PLXNB2: variants seen among roughly 807,000 people sequenced by gnomAD.
The protein encoded by PLXNB2 is plexin-B2.
A neutral mutation model predicts 202.6 loss-of-function variants in PLXNB2; 85 were observed. The observed-to-expected ratio is 0.42, with a 90% CI of 0.35 to 0.50. The LOEUF (loss-of-function observed/expected upper bound fraction) is 0.50, where lower values mean the gene tolerates loss of function less well. Ranked by LOEUF, PLXNB2 falls within the 20% of genes least tolerant of loss-of-function variation. PLXNB2 has a pLI of 0.02. For missense variants in PLXNB2, 2,063 were observed against 2,586.2 expected (o/e 0.80, Z 4.39); for synonymous variants, 1,239 against 1,137.6 (o/e 1.09, Z -1.79).
Position 50,289,735 on chromosome 22 carries a change from C to A in PLXNB2, c.850G>T (p.Val284Leu). ...ACCCTGCCAGAGCCAGGCGCAGCCA[C>A]GGAGGCGGCCAGGCAGGTGCCAAAG... ...AAFGTCLAASVAAPGSGRVLY... is the reference protein window; with the variant it reads ...AAFGTCLAASLAAPGSGRVLY... Residue 284 changes from valine (V) to leucine (L), a missense_variant, in exon 3 of 37, where the codon GTG becomes TTG. This residue lies in a region of PLXNB2 where 1,303 missense variants were observed against 1,476.8 expected (regional missense o/e 0.88). Transcript: ENST00000359337. The surrounding 1 kb of genome is among the most constrained non-coding windows in gnomAD (Gnocchi z 8.0). 1 of 1,612,322 alleles carries A rather than the reference C, an allele frequency of 6.2e-7. No individual in the cohort carries two copies. Among genetic ancestry groups the A allele is most frequent in the Non-Finnish European group, 8.5e-7 (1 of 1,179,952 alleles).
intron 35 of PLXNB2, 32 bp from the exon 36 acceptor site, chr22:50,275,995 A>AG: frequency 6.2e-7 from 1 of 1,601,566 alleles, no homozygotes; most frequent in Non-Finnish European, 8.5e-7. Flanking sequence ...AGGGTGGAAA[A>AG]GGGGCTGTGG....
rs765133194 is a variant in PLXNB2, at chr22:50,277,943, G to A, written c.4958C>T (p.Ala1653Val). Reference sequence around the variant, plus strand: ...CAGGAAGTCGAAGAAGTACTTGACTGCAGGTGGCACCGCGTGCCCAGGCGC... The same window carrying A: ...CAGGAAGTCGAAGAAGTACTTGACTACAGGTGGCACCGCGTGCCCAGGCGC... ...VLAPGHAVPPAVKYFFDFLDE... is the reference protein window; with the variant it reads ...VLAPGHAVPPVVKYFFDFLDE... The change falls in exon 32 of 37, where the codon GCA becomes GTA. Residue 1653 changes from alanine (A) to valine (V), a missense_variant. Ala to Val is a moderately conservative substitution (Grantham distance 64, BLOSUM62 0). Transcript: ENST00000359337. 1 of 1,612,854 alleles carries A rather than the reference G, an allele frequency of 6.2e-7. No homozygotes were observed. Among genetic ancestry groups the A allele is most frequent in the South Asian group, 1.1e-5 (1 of 91,070 alleles).
chr22:50,283,499 T>G, intron 15 of PLXNB2, 54 bp from the exon 16 acceptor site: 1 of 635,882 alleles, frequency 1.6e-6, no homozygotes, highest in Non-Finnish European at 2.2e-6. Flanking sequence ...CCCCACACCC[T>G]GACACCCTCA....
chr22:50,288,605 C>A lies in PLXNB2; in HGVS notation c.1380+138G>T. 1 of 1,233,736 alleles carries A rather than the reference C, an allele frequency of 8.1e-7. No homozygotes were observed. 76.4% of individuals were successfully genotyped at this position (1,233,736 alleles called of 1,614,324 possible). On this transcript the variant is annotated intron_variant, in intron 5 of 36. Transcript: ENST00000359337. This position sits in a 1 kb window ranked among gnomAD's most constrained non-coding sequence, Gnocchi z 5.0. ...CTGCCCGGGACCCACCCAGCCACCC[C>A]TCATCCAGACCAAGGAGAAGGGCCC...
At position 50,288,751 on chromosome 22, in the gene PLXNB2, G is replaced by A. The variant is rs1404533598; in HGVS notation, c.1372C>T (p.Gln458Ter). Reference sequence around the variant, plus strand: ...GGCTGCGTCTGGCTCACCTTGTCCTGGGTCATGGCGTACAGGCTGCCCAGG... The same window carrying A: ...GGCTGCGTCTGGCTCACCTTGTCCTAGGTCATGGCGTACAGGCTGCCCAGG... ...GDLGSLYAMTQDKVFRLPVQE... is the reference protein window; with the variant it reads ...GDLGSLYAMT Residue 458 changes from glutamine to a stop codon, truncating the protein, a stop_gained, in exon 5 of 37, where the codon CAG becomes TAG. Transcript: ENST00000359337. LOFTEE classifies it high-confidence loss of function. This position sits in a 1 kb window ranked among gnomAD's most constrained non-coding sequence, Gnocchi z 5.0. 3 of 1,612,968 alleles carry A rather than the reference G, an allele frequency of 1.9e-6. No individual in the cohort carries two copies. The highest frequency in any genetic ancestry group is 2.5e-6 in the Non-Finnish European group (3 of 1,179,954).
At chr22:50,294,634 C>T (rs1025221009) in intron 2 of PLXNB2, 85 bp downstream of exon 2, 4 of 456,644 alleles carry the variant, frequency 8.8e-6, no homozygotes, top group Admixed American at 6.4e-5. Context: ...GCCTTGCAGA[C>T]ACCACATGGC....
intron 7 of PLXNB2, 149 bp from the exon 8 acceptor site, chr22:50,287,413 G>T: frequency 2.1e-6 from 2 of 973,972 alleles, no homozygotes; most frequent in African/African-American, 1.6e-5. Flanking sequence ...GCCTCTCTGT[G>T]GTCACCCCAG....
rs375690281 is a variant in PLXNB2 at position 50,282,334 on chromosome 22, G to A, written c.2988-21C>T. On this transcript the variant is annotated intron_variant, in intron 18 of 36. Transcript: ENST00000359337. ...CACCACTGCGGAGGGCAGTGCCTTC[G>A]TGGGCTCGGCTGGCAGGGGTGGTCC... 57 of 1,576,128 alleles carry A rather than the reference G, an allele frequency of 3.6e-5. No homozygotes were observed. In the African/African-American group the frequency reaches 5.6e-4, roughly 15 times the overall value.
At chr22:50,279,925 T>C in intron 26 of PLXNB2, 80 bp downstream of exon 26, 2 of 1,410,598 alleles carry the variant, frequency 1.4e-6, no homozygotes, top group Middle Eastern at 1.8e-4. Flanking sequence ...CAAGGTGCCG[T>C]ACAGATAGGG....
chr22:50,305,241 T>C (rs974223753), intron 1 of PLXNB2, among the ~76,000 whole-genome samples: 6 of 152,266 alleles, frequency 3.9e-5, no homozygotes, highest in East Asian at 1.9e-4. Flanking sequence ...GGAGGAGGAC[T>C]GTGCCATATG....
chr22:50,286,911 C>T (rs867654315), intron 8 of PLXNB2, among the ~76,000 whole-genome samples, 200 bp downstream of exon 8: 2 of 152,172 alleles, frequency 1.3e-5, no homozygotes, highest in Admixed American at 6.5e-5. Flanking sequence ...GGCGTGGCTG[C>T]GGACAGCCCA....
chr22:50,301,685 A>G (rs948897954), intron 1 of PLXNB2, among the ~76,000 whole-genome samples: 2 of 151,946 alleles, frequency 1.3e-5, no homozygotes, highest in Admixed American at 1.3e-4. Context: ...GCTCAAGACC[A>G]GCCCCCGCCC....
At chr22:50,277,824 T>G (rs1414321881) in intron 32 of PLXNB2, 29 bp downstream of exon 32, 1 of 1,607,504 alleles carries the variant, frequency 6.2e-7, no homozygotes, top group East Asian at 2.2e-5. Context: ...GAGCCGGGGC[T>G]GGGCCGCGGG....
chr22:50,302,170 T>C lies in PLXNB2; in HGVS notation c.-74+5383A>G, dbSNP rs1404562524. On this transcript the variant is annotated intron_variant, in intron 1 of 36. Coordinates refer to ENST00000359337, the MANE Select transcript of PLXNB2 (RefSeq NM_012401.4). ...GGAGAGGGGCTGCGTCTGCCCAGGA[T>C]GAGCTGGGGGCTGGTGAGGCACAGG... Among the ~76,000 whole-genome samples, 3 of 152,182 alleles carry C rather than the reference T, an allele frequency of 2.0e-5. No individual in the cohort carries two copies. The East Asian group carries it at 5.8e-4, about 29-fold the overall frequency.
In PLXNB2 at chr22:50,280,055, C is replaced by T; in HGVS notation, c.4192G>A (p.Glu1398Lys). 2 of 1,609,610 alleles carry T rather than the reference C, an allele frequency of 1.2e-6. No individual in the cohort carries two copies. The highest frequency in any genetic ancestry group is 1.7e-6 in the Non-Finnish European group (2 of 1,177,960). The change falls in exon 26 of 37, where the codon GAG (glutamate) becomes AAG (lysine). Residue 1398 changes from glutamate (E) to lysine (K), a missense_variant. Around this residue, in one of 2 missense-constraint regions of PLXNB2, gnomAD observed 760 missense variants for 1,109.4 expected, o/e 0.69. Coordinates refer to ENST00000359337, the MANE Select transcript of PLXNB2 (RefSeq NM_012401.4). The stretch of plus-strand genomic sequence containing the variant: ...GACATCCAGTTGGACAGCATCCTCT[C>T]CACCACAGTCTCAGACCTGGGGGTG... ...LMLRRSETVVERMLSNWMSIC... is the reference protein window; with the variant it reads ...LMLRRSETVVKRMLSNWMSIC...
chr22:50,305,650 C>A (rs2067857639), intron 1 of PLXNB2, among the ~76,000 whole-genome samples: 1 of 152,166 alleles, frequency 6.6e-6, no homozygotes, highest in South Asian at 2.1e-4. Context: ...GAGGGAAACC[C>A]CAGTGCCCTC....
chr22:50,296,966 G>A (rs1184843226), intron 1 of PLXNB2, among the ~76,000 whole-genome samples: 1 of 152,222 alleles, frequency 6.6e-6, no homozygotes, highest in Non-Finnish European at 1.5e-5. Flanking sequence ...CCGGCCAAAG[G>A]GCTGGGGAGA....
At chr22:50,279,306 C>A (rs2065828724) in intron 27 of PLXNB2, among the ~76,000 whole-genome samples, 2 of 152,240 alleles carry the variant, frequency 1.3e-5, no homozygotes, top group South Asian at 4.1e-4. Flanking sequence ...ACGTCTCACA[C>A]ATGCACAGGC....
At chr22:50,276,951 C>T (rs1159853617) in intron 33 of PLXNB2, 45 bp from the exon 34 acceptor site, 8 of 1,457,608 alleles carry the variant, frequency 5.5e-6, no homozygotes, top group Non-Finnish European at 7.6e-6. Flanking sequence ...GGGGGCCAGG[C>T]TGGGGCTGCT....
Sources: gnomAD v4.1 joint callset for allele counts (sites outside exome capture counted in the v4.1 genomes callset) on GRCh38, gnomAD v4.1.1 for gene constraint, gnomAD v4.1.1 regional missense constraint, Gnocchi (gnomAD v3.1) non-coding constraint, MANE v1.5 for transcripts, NCBI Gene and HGNC (gene_info 2026-07-23, HGNC 2026-07-21) for gene names.